PRKCE: variants seen among roughly 807,000 people sequenced by gnomAD.
PRKCE encodes protein kinase C epsilon type.
In PRKCE, 16 loss-of-function variants were observed where a neutral mutation model predicts 85.4. The observed-to-expected ratio is 0.19, with a 90% CI of 0.13 to 0.28. The LOEUF is 0.28. PRKCE is among the 10% of genes least tolerant of loss of function. The pLI is 1.00. For synonymous variants in PRKCE, 388 were observed against 371.5 expected (o/e 1.04, Z -0.51); for missense variants, 573 against 975.2 (o/e 0.59, Z 5.49).
At chr2:45,664,293 T>C (rs1231888066) in intron 1 of PRKCE, among the ~76,000 whole-genome samples, 1 of 152,228 alleles carries the variant, frequency 6.6e-6, no homozygotes, top group Non-Finnish European at 1.5e-5. Flanking sequence ...AATCTAGTTT[T>C]ATCAGTTTTG....
Position 45,709,730 on chromosome 2 carries a change from C to G in PRKCE, c.348+57282C>G, listed in dbSNP as rs1369432986. ...GAATAAAATGGAAGGCATCTCATCT[C>G]CAGTCCCCATCTCTATTCACCTGGA... On this transcript the variant is annotated intron_variant, in intron 1 of 14. Transcript: ENST00000306156. 2.0e-5 allele frequency among the ~76,000 whole-genome samples: 3 copies of G among 152,134 alleles called. No homozygotes were observed. The East Asian group carries it at 5.8e-4, about 29-fold the overall frequency.
At chr2:46,062,797 C>T (rs1667273279) in intron 10 of PRKCE, among the ~76,000 whole-genome samples, 1 of 151,596 alleles carries the variant, frequency 6.6e-6, no homozygotes, top group South Asian at 2.1e-4. Context: ...CCTCAGCCTC[C>T]TGAGTAGTTA....
intron 1 of PRKCE, among the ~76,000 whole-genome samples, chr2:45,829,090 T>C (rs940451802): frequency 2.6e-5 from 4 of 152,138 alleles, no homozygotes; most frequent in African/African-American, 9.7e-5. Flanking sequence ...TTTAAATAAT[T>C]TTATTATTAT....
chr2:46,090,770 A>G (rs570846470), intron 11 of PRKCE, among the ~76,000 whole-genome samples: 2 of 132,788 alleles, frequency 1.5e-5, no homozygotes, highest in Admixed American at 7.3e-5. Context: ...GGGGAGGTCT[A>G]TATGAGGTTG....
chr2:45,843,675 G>T (rs1430526698), intron 2 of PRKCE, among the ~76,000 whole-genome samples: 1 of 152,172 alleles, frequency 6.6e-6, no homozygotes, highest in African/African-American at 2.4e-5. Context: ...GGTTTGCTGG[G>T]TGTTGAGGAC....
chr2:45,704,907 G>A (rs637889), intron 1 of PRKCE, among the ~76,000 whole-genome samples: 113,442 of 152,182 alleles, frequency 0.75, 43,078 homozygotes, highest in African/African-American at 0.88. Context: ...CTTGCCAACT[G>A]CTGTATAGTG....
intron 2 of PRKCE, among the ~76,000 whole-genome samples, chr2:45,878,402 C>T (rs1199912709): frequency 6.6e-6 from 1 of 152,222 alleles, no homozygotes; most frequent in South Asian, 2.1e-4. Flanking sequence ...TTCCAGTCTA[C>T]TCTTATCCTG....
intron 1 of PRKCE, among the ~76,000 whole-genome samples, chr2:45,667,441 C>T (rs1245794844): frequency 2.0e-5 from 3 of 152,036 alleles, no homozygotes; most frequent in Non-Finnish European, 4.4e-5. Flanking sequence ...AGCCACCATG[C>T]CCAGCCTGGT....
At chr2:46,151,283 AC>A in intron 13 of PRKCE, 54 bp downstream of exon 13, 1 of 264,550 alleles carries the variant, frequency 3.8e-6, no homozygotes, top group Non-Finnish European at 6.5e-6. Flanking sequence ...CTCCCCCTAC[AC>A]ACACACACAC....
At chr2:45,792,240 T>TA (rs1214455909) in intron 1 of PRKCE, among the ~76,000 whole-genome samples, 1 of 152,084 alleles carries the variant, frequency 6.6e-6, no homozygotes, top group African/African-American at 2.4e-5. Flanking sequence ...TCACCAGAAG[T>TA]AATCCAGTCT....
chr2:46,055,264 C>T (rs1210719645), intron 10 of PRKCE, among the ~76,000 whole-genome samples: 1 of 152,208 alleles, frequency 6.6e-6, no homozygotes, highest in African/African-American at 2.4e-5. Flanking sequence ...GAGATTTGCT[C>T]CTGCTGGCGA....
intron 2 of PRKCE, among the ~76,000 whole-genome samples, chr2:45,969,617 C>T (rs1352108275): frequency 6.6e-6 from 1 of 152,184 alleles, no homozygotes; most frequent in Non-Finnish European, 1.5e-5. Context: ...AGCTGCAGTT[C>T]CCTCACCTCC....
intron 1 of PRKCE, among the ~76,000 whole-genome samples, chr2:45,772,167 T>G (rs1423760584): frequency 2.0e-5 from 3 of 151,938 alleles, no homozygotes; most frequent in Non-Finnish European, 4.4e-5. Flanking sequence ...GTGCCTAATT[T>G]TGTGTTTCTT....
At chr2:46,119,295 G>T (rs1465313388) in intron 11 of PRKCE, among the ~76,000 whole-genome samples, 1 of 151,938 alleles carries the variant, frequency 6.6e-6, no homozygotes, top group Non-Finnish European at 1.5e-5. Flanking sequence ...AAAAGGGGGG[G>T]TTATTAGGGT....
chr2:46,047,488 T>C (rs181088134), intron 10 of PRKCE, among the ~76,000 whole-genome samples: 2 of 152,330 alleles, frequency 1.3e-5, no homozygotes, highest in Non-Finnish European at 2.9e-5. Context: ...GGCTGTGAGC[T>C]CGCAGTGCTG....
intron 1 of PRKCE, among the ~76,000 whole-genome samples, chr2:45,683,808 A>G (rs1677084958): frequency 6.6e-6 from 1 of 152,188 alleles, no homozygotes; most frequent in Non-Finnish European, 1.5e-5. Context: ...ACTGGAATCC[A>G]GTGTCTGCCT....
intron 2 of PRKCE, among the ~76,000 whole-genome samples, chr2:45,923,458 T>C (rs2103961788): frequency 6.6e-6 from 1 of 152,266 alleles, no homozygotes; most frequent in East Asian, 1.9e-4. Context: ...CCAAGTGCGG[T>C]CAATAGTATG....
At chr2:46,131,819 C>T (rs1322335063) in intron 11 of PRKCE, among the ~76,000 whole-genome samples, 1 of 152,052 alleles carries the variant, frequency 6.6e-6, no homozygotes, top group Non-Finnish European at 1.5e-5. Flanking sequence ...TCTTTTTTTC[C>T]CCAAGTGGAA....
chr2:45,961,433 G>A (rs781591529), intron 2 of PRKCE, among the ~76,000 whole-genome samples: 4 of 152,172 alleles, frequency 2.6e-5, no homozygotes, highest in Non-Finnish European at 4.4e-5. Context: ...TCCGTGAGTC[G>A]GTTTCTGTAA....
Sources: allele counts gnomAD v4.1 joint callset (sites outside exome capture counted in the v4.1 genomes callset), GRCh38; gene constraint gnomAD v4.1.1; transcripts MANE v1.5; gene names NCBI Gene and HGNC (gene_info 2026-07-23, HGNC 2026-07-21).